HES5: variants seen among roughly 807,000 people sequenced by gnomAD.
HES5 encodes the protein transcription factor HES-5.
Under a neutral mutation model 9.6 loss-of-function variants are expected in HES5, and 12 were observed. That is an observed-to-expected ratio of 1.25 (90% confidence interval 0.80 to 2.03). HES5 has a LOEUF of 2.03. HES5 is among the 30% of genes most tolerant of loss of function. HES5 has a pLI of 0.00. For synonymous variants in HES5, 131 were observed against 102.4 expected, an observed-to-expected ratio of 1.28 and a Z score of -1.69; for missense variants, 255 against 218.6, an observed-to-expected ratio of 1.17 and a Z score of -1.05.
Position 2,529,821 on chromosome 1 carries a change from G to T in HES5, c.220+25C>A. ...AGCCGGGGCGCGGTGGGAACTCGGG[G>T]CGCGGGGGGCCCGGGCGCGCTCACC... is the stretch of plus-strand genomic sequence containing the variant. On this transcript the variant is annotated intron_variant, in intron 2 of 2. Coordinates refer to ENST00000378453, the MANE Select transcript of HES5 (RefSeq NM_001010926.4). This position sits in a 1 kb window ranked among gnomAD's most constrained non-coding sequence, Gnocchi z 4.5. The T allele has an allele frequency of 7.2e-7, 1 of 1,387,686 alleles. No individual in the cohort carries two copies. The allele number at this position is 1,387,686 out of a possible 1,614,324, so 86.0% of individuals were successfully genotyped here. A position where few individuals can be genotyped will look rare whatever the true frequency, so the allele number is the denominator to read the frequency against.
At position 2,529,946 on chromosome 1, in the gene HES5, C is replaced by A. The variant is rs746969697; in HGVS notation, c.120G>T (p.Lys40Asn). 1 of 1,609,332 alleles carries A rather than the reference C, an allele frequency of 6.2e-7. No homozygotes were observed. Among genetic ancestry groups the A allele is most frequent in the Non-Finnish European group, 8.5e-7 (1 of 1,178,282 alleles). Residue 40 changes from lysine (K) to asparagine (N), a missense_variant, in exon 2 of 3, where the codon AAG (lysine) becomes AAT (asparagine). Transcript: ENST00000378453. This position sits in a 1 kb window ranked among gnomAD's most constrained non-coding sequence, Gnocchi z 4.5. Reference sequence around the variant, plus strand: ...GCGCGAACTCCTGCTCCAGCAGCAGCTTCAGCTGCTCGATGCTGCTGTTGA... The same window carrying A: ...GCGCGAACTCCTGCTCCAGCAGCAGATTCAGCTGCTCGATGCTGCTGTTGA... The part of the protein sequence containing the change: ...DRINSSIEQL[K>N]LLLEQEFARH...
Position 2,530,230 on chromosome 1 carries a change from G to A in HES5, c.-66C>T. 2 of 1,369,278 alleles carry A rather than the reference G, an allele frequency of 1.5e-6. No individual in the cohort carries two copies. Among genetic ancestry groups the A allele is most frequent in the East Asian group, 3.1e-5 (1 of 32,466 alleles). 84.8% of individuals were successfully genotyped at this position (1,369,278 alleles called of 1,614,324 possible). ...GGGCGAGACGAGGCGAGCGGGCGCG[G>A]GCAAGGCCAAGCGCGTCCCGGGCTG... is the stretch of plus-strand genomic sequence containing the variant. On this transcript the variant is annotated 5_prime_UTR_variant, in exon 1 of 3. Transcript: ENST00000378453.
Position 2,529,865 on chromosome 1 carries a change from G to T in HES5, c.201C>A (p.Ser67Arg). Reference sequence around the variant, plus strand: ...GCTCACCTTTGCTGTGCTTCAGGTAGCTGACAGCCATCTCCAGGATGTCGG... The same window carrying T: ...GCTCACCTTTGCTGTGCTTCAGGTATCTGACAGCCATCTCCAGGATGTCGG... ...EKADILEMAV[S>R]YLKHSKAFVA... is the part of the protein sequence containing the mutation. Residue 67 changes from serine (S) to arginine (R), a missense_variant, in exon 2 of 3, where the codon AGC becomes AGA. Coordinates refer to ENST00000378453, the MANE Select transcript of HES5 (RefSeq NM_001010926.4). This position sits in a 1 kb window ranked among gnomAD's most constrained non-coding sequence, Gnocchi z 4.5. The T allele has an allele frequency of 4.4e-6, 7 of 1,596,326 alleles. No homozygotes were observed. The highest frequency in any genetic ancestry group is 1.7e-5 in the Admixed American group (1 of 58,480).
At position 2,529,777 on chromosome 1, in the gene HES5, G is replaced by A. The variant is rs1227081537; in HGVS notation, c.221-28C>T. 4.0e-6 allele frequency: 5 copies of A among 1,249,364 alleles called. No individual in the cohort carries two copies. The highest frequency in any genetic ancestry group is 3.6e-5 in the South Asian group (1 of 27,878). 77.4% of individuals were successfully genotyped at this position (1,249,364 alleles called of 1,614,324 possible). A position where few individuals can be genotyped will look rare whatever the true frequency, so the allele number is the denominator to read the frequency against. On this transcript the variant is annotated intron_variant, in intron 2 of 2. Coordinates refer to ENST00000378453, the MANE Select transcript of HES5 (RefSeq NM_001010926.4). This position sits in a 1 kb window ranked among gnomAD's most constrained non-coding sequence, Gnocchi z 4.5. ...GCGGGGAGACGCGGCGGCGGTGAGC[G>A]GGCGGCGGGGCGCGGGGGAGCCGGG...
rs1212860575 is a variant in HES5, at chr1:2,529,610, C to T, written c.360G>A (p.Gln120=). ...GCGCGGCGGGCGCGGCCGGGGGCCG[C>T]TGGAAGTGGTACAGCAGCTTCATCT... ...DTQMKLLYHF[Q]RPPAAPAAPA... The change falls in exon 3 of 3, where the codon CAG becomes CAA. Residue 120 remains glutamine, a synonymous_variant. Coordinates refer to ENST00000378453, the MANE Select transcript of HES5 (RefSeq NM_001010926.4). The surrounding 1 kb of genome is among the most constrained non-coding windows in gnomAD (Gnocchi z 4.5). The T allele has an allele frequency of 4.8e-6, 6 of 1,246,442 alleles. No individual in the cohort carries two copies. The Admixed American group carries it at 9.6e-5, about 20-fold the overall frequency. The allele number at this position is 1,246,442 out of a possible 1,614,324, so 77.2% of individuals were successfully genotyped here.
chr1:2,529,833 C>G lies in HES5; in HGVS notation c.220+13G>C. ...GTGGGAACTCGGGGCGCGGGGGGCC[C>G]GGGCGCGCTCACCTTTGCTGTGCTT... On this transcript the variant is annotated intron_variant, in intron 2 of 2. Coordinates refer to ENST00000378453, the MANE Select transcript of HES5 (RefSeq NM_001010926.4). The surrounding 1 kb of genome is among the most constrained non-coding windows in gnomAD (Gnocchi z 4.5). 7.0e-7 allele frequency: 1 copy of G among 1,431,180 alleles called. No individual in the cohort carries two copies. Among genetic ancestry groups the G allele is most frequent in the Non-Finnish European group, 9.3e-7 (1 of 1,077,086 alleles). 88.7% of individuals were successfully genotyped at this position (1,431,180 alleles called of 1,614,324 possible).
At position 2,529,353 on chromosome 1, in the gene HES5, G is replaced by T. The variant is rs967792685; in HGVS notation, c.*116C>A. ...GGCCAGCTTGGGGCCAGAGCCTTCC[G>T]GAGAAGGGCGCGTCCAAGCCCGGGG... On this transcript the variant is annotated 3_prime_UTR_variant, in exon 3 of 3. Coordinates refer to ENST00000378453, the MANE Select transcript of HES5 (RefSeq NM_001010926.4). This position sits in a 1 kb window ranked among gnomAD's most constrained non-coding sequence, Gnocchi z 4.5. 2.0e-5 allele frequency: 19 copies of T among 953,906 alleles called. No individual in the cohort carries two copies. The highest frequency in any genetic ancestry group is 2.4e-5 in the Non-Finnish European group (19 of 799,974). The allele number at this position is 953,906 out of a possible 1,614,324, so 59.1% of individuals were successfully genotyped here. A position where few individuals can be genotyped will look rare whatever the true frequency, so the allele number is the denominator to read the frequency against.
rs1393633558 is a variant in HES5, at chr1:2,529,462, C to T, written c.*7G>A. 3 of 1,061,784 alleles carry T rather than the reference C, an allele frequency of 2.8e-6. No individual in the cohort carries two copies. Among genetic ancestry groups the T allele is most frequent in the African/African-American group, 3.4e-5 (2 of 58,922 alleles). 65.8% of individuals were successfully genotyped at this position (1,061,784 alleles called of 1,614,324 possible). A position where few individuals can be genotyped will look rare whatever the true frequency, so the allele number is the denominator to read the frequency against. ...CGTCGGGCCGCGCGCCCGCAGGTCC[C>T]GCCGGGTCACCAGGGCCGCCAGAGG... On this transcript the variant is annotated 3_prime_UTR_variant, in exon 3 of 3. Transcript: ENST00000378453. This position sits in a 1 kb window ranked among gnomAD's most constrained non-coding sequence, Gnocchi z 4.5.
rs761648074 is a variant in HES5, at chr1:2,529,579, TGGCGGGCGC to T, written c.382_390del (p.Ala128_Ala130del). On this transcript the variant is annotated inframe_deletion, in exon 3 of 3. Transcript: ENST00000378453. This position sits in a 1 kb window ranked among gnomAD's most constrained non-coding sequence, Gnocchi z 4.5. ...GCGGCGCCCGGCGCCTTGGGCTCCT[TGGCGGGCGC>T]GGCGGGCGCGGCCGGGGGCCGCTGG... 1,388 of 1,160,426 alleles carry T rather than the reference TGGCGGGCGC, an allele frequency of 1.2e-3. 20 individuals carry two copies. In the East Asian group the frequency reaches 0.028, roughly 24 times the overall value. The allele number at this position is 1,160,426 out of a possible 1,614,324, so 71.9% of individuals were successfully genotyped here. A position where few individuals can be genotyped will look rare whatever the true frequency, so the allele number is the denominator to read the frequency against.
At position 2,529,768 on chromosome 1, in the gene HES5, G is replaced by A. The variant is rs148077566; in HGVS notation, c.221-19C>T. ...ACGAAGGCTGCGGGGAGACGCGGCG[G>A]CGGTGAGCGGGCGGCGGGGCGCGGG... is the stretch of plus-strand genomic sequence containing the variant. On this transcript the variant is annotated intron_variant, in intron 2 of 2. Coordinates refer to ENST00000378453, the MANE Select transcript of HES5 (RefSeq NM_001010926.4). The surrounding 1 kb of genome is among the most constrained non-coding windows in gnomAD (Gnocchi z 4.5). 3,696 of 1,245,074 alleles carry A rather than the reference G, an allele frequency of 3.0e-3. 89 individuals carry two copies. The African/African-American group carries it at 0.05, about 17-fold the overall frequency. 77.1% of individuals were successfully genotyped at this position (1,245,074 alleles called of 1,614,324 possible). A position where few individuals can be genotyped will look rare whatever the true frequency, so the allele number is the denominator to read the frequency against.
Position 2,530,120 on chromosome 1 carries a change from C to A in HES5, c.45G>T (p.Glu15Asp). 7.0e-6 allele frequency: 11 copies of A among 1,563,660 alleles called. No homozygotes were observed. The highest frequency in any genetic ancestry group is 9.5e-6 in the Non-Finnish European group (11 of 1,154,856). The part of the protein sequence containing the change: ...TVAVELLSPK[E>D]KNRLRKPVVE... ...CGAGTCTGGTACTTACTCGGTTTTT[C>A]TCTTTGGGGCTGAGCAGCTCCACGG... The change falls in exon 1 of 3, where the codon GAG becomes GAT. Residue 15 changes from glutamate to aspartate, a missense_variant. Coordinates refer to ENST00000378453, the MANE Select transcript of HES5 (RefSeq NM_001010926.4).
At position 2,529,759 on chromosome 1, in the gene HES5, G is replaced by A. The variant is rs1457345319; in HGVS notation, c.221-10C>T. 2.4e-6 allele frequency: 3 copies of A among 1,243,786 alleles called. No individual in the cohort carries two copies. Among genetic ancestry groups the A allele is most frequent in the Admixed American group, 8.6e-5 (2 of 23,124 alleles). 77.0% of individuals were successfully genotyped at this position (1,243,786 alleles called of 1,614,324 possible). A position where few individuals can be genotyped will look rare whatever the true frequency, so the allele number is the denominator to read the frequency against. On this transcript the variant is annotated splice_polypyrimidine_tract_variant and intron_variant, in intron 2 of 2. Transcript: ENST00000378453. The surrounding 1 kb of genome is among the most constrained non-coding windows in gnomAD (Gnocchi z 4.5). ...GCGGCGGCGACGAAGGCTGCGGGGA[G>A]ACGCGGCGGCGGTGAGCGGGCGGCG...
At position 2,528,789 on chromosome 1, in the gene HES5, G is replaced by C. The variant is rs1486814390; in HGVS notation, c.*680C>G. The C allele has an allele frequency of 6.6e-6, 1 of 152,480 alleles. No homozygotes were observed. Among genetic ancestry groups the C allele is most frequent in the Admixed American group, 6.5e-5 (1 of 15,290 alleles). The allele number at this position is 152,480 out of a possible 1,614,324, so 9.4% of individuals were successfully genotyped here. On this transcript the variant is annotated 3_prime_UTR_variant, in exon 3 of 3. Transcript: ENST00000378453. ...ATTTTATTATGGCGGCTTCGGAGCA[G>C]TCCCGTGGCTTCCACGTGACTGAGA...
At position 2,530,220 on chromosome 1, in the gene HES5, A is replaced by G; in HGVS notation, c.-56T>C. On this transcript the variant is annotated 5_prime_UTR_variant, in exon 1 of 3. Coordinates refer to ENST00000378453, the MANE Select transcript of HES5 (RefSeq NM_001010926.4). ...CGGGGAGGCCGGGCGAGACGAGGCG[A>G]GCGGGCGCGGGCAAGGCCAAGCGCG... The G allele has an allele frequency of 7.1e-7, 1 of 1,408,484 alleles. No homozygotes were observed. Among genetic ancestry groups the G allele is most frequent in the Middle Eastern group, 2.5e-4 (1 of 4,062 alleles). The allele number at this position is 1,408,484 out of a possible 1,614,324, so 87.2% of individuals were successfully genotyped here.
chr1:2,529,905 G>T lies in HES5; in HGVS notation c.161C>A (p.Ser54Tyr). 1 of 1,606,384 alleles carries T rather than the reference G, an allele frequency of 6.2e-7. No homozygotes were observed. ...EQEFARHQPN[S>Y]KLEKADILEM... Reference sequence around the variant, plus strand: ...CAGGATGTCGGCCTTCTCCAGCTTGGAGTTGGGCTGGTGCCGCGCGAACTC... The same window carrying T: ...CAGGATGTCGGCCTTCTCCAGCTTGTAGTTGGGCTGGTGCCGCGCGAACTC... Residue 54 changes from serine (S) to tyrosine (Y), a missense_variant, in exon 2 of 3, where the codon TCC (serine) becomes TAC (tyrosine). By Grantham distance (144) the Ser-to-Tyr change is moderately radical (BLOSUM62 -2). Coordinates refer to ENST00000378453, the MANE Select transcript of HES5 (RefSeq NM_001010926.4). The surrounding 1 kb of genome is among the most constrained non-coding windows in gnomAD (Gnocchi z 4.5).
rs752768227 is a variant in HES5 at position 2,530,214 on chromosome 1, G to T, written c.-50C>A. The T allele has an allele frequency of 3.5e-6, 5 of 1,419,920 alleles. No individual in the cohort carries two copies. The highest frequency in any genetic ancestry group is 4.6e-6 in the Non-Finnish European group (5 of 1,079,672). The allele number at this position is 1,419,920 out of a possible 1,614,324, so 88.0% of individuals were successfully genotyped here. ...GCGACGCGGGGAGGCCGGGCGAGACGAGGCGAGCGGGCGCGGGCAAGGCCA... is the reference window on the plus strand; with the variant it reads ...GCGACGCGGGGAGGCCGGGCGAGACTAGGCGAGCGGGCGCGGGCAAGGCCA... On this transcript the variant is annotated 5_prime_UTR_variant, in exon 1 of 3. Transcript: ENST00000378453.
At position 2,529,645 on chromosome 1, in the gene HES5, T is replaced by G. The variant is rs1347076967; in HGVS notation, c.325A>C (p.Ser109Arg). 1.5e-6 allele frequency: 2 copies of G among 1,315,650 alleles called. No homozygotes were observed. Among genetic ancestry groups the G allele is most frequent in the Non-Finnish European group, 2.0e-6 (2 of 1,013,714 alleles). The allele number at this position is 1,315,650 out of a possible 1,614,324, so 81.5% of individuals were successfully genotyped here. A position where few individuals can be genotyped will look rare whatever the true frequency, so the allele number is the denominator to read the frequency against. Reference protein sequence around the residue: ...AVQFLTLHAASDTQMKLLYHF... With the variant: ...AVQFLTLHAARDTQMKLLYHF... ...TACAGCAGCTTCATCTGCGTGTCGCTGGCGGCGTGGAGCGTCAGGAACTGC... is the reference window on the plus strand; with the variant it reads ...TACAGCAGCTTCATCTGCGTGTCGCGGGCGGCGTGGAGCGTCAGGAACTGC... Residue 109 changes from serine (S) to arginine (R), a missense_variant, in exon 3 of 3, where the codon AGC (serine) becomes CGC (arginine). Ser to Arg is a moderately radical substitution (Grantham distance 110, BLOSUM62 -1). Coordinates refer to ENST00000378453, the MANE Select transcript of HES5 (RefSeq NM_001010926.4). This position sits in a 1 kb window ranked among gnomAD's most constrained non-coding sequence, Gnocchi z 4.5.
At position 2,529,522 on chromosome 1, in the gene HES5, CGGT is replaced by C. The variant is rs1319625906; in HGVS notation, c.445_447del (p.Thr149del). 6 of 1,050,574 alleles carry C rather than the reference CGGT, an allele frequency of 5.7e-6. No homozygotes were observed. Among genetic ancestry groups the C allele is most frequent in the African/African-American group, 3.4e-5 (2 of 58,256 alleles). The allele number at this position is 1,050,574 out of a possible 1,614,324, so 65.1% of individuals were successfully genotyped here. ...GGCTGGTGCGCGGCGGCGGCGGCGG[CGGT>C]GGCCTTGGCGGAGAGCGCGGGCGGG... On this transcript the variant is annotated inframe_deletion, in exon 3 of 3. Transcript: ENST00000378453. This position sits in a 1 kb window ranked among gnomAD's most constrained non-coding sequence, Gnocchi z 4.5.
At chr1:2,530,032 AG>A in intron 1 of HES5, 21 bp from the exon 2 acceptor site, 1 of 1,602,500 alleles carries the variant, frequency 6.2e-7, no homozygotes, top group Non-Finnish European at 8.5e-7. Context: ...AGGGGGTGTC[AG>A]GCTGGCCCGG....
Sources: gnomAD v4.1 joint callset for allele counts on GRCh38, gnomAD v4.1.1 for gene constraint, Gnocchi (gnomAD v3.1) non-coding constraint, MANE v1.5 for transcripts, NCBI Gene and HGNC (gene_info 2026-07-23, HGNC 2026-07-21) for gene names.